Variants in MYOM1 observed in about 807,000 individuals in gnomAD.
The protein encoded by MYOM1 is myomesin-1.
A neutral mutation model predicts 205.3 loss-of-function variants in MYOM1; 164 were observed. The ratio of observed to expected loss-of-function variants is 0.80; its 90% CI spans 0.70 to 0.91. The LOEUF (loss-of-function observed/expected upper bound fraction) is 0.91. MYOM1 is among the 40% of genes least tolerant of loss of function. MYOM1 has a pLI of 0.00. For missense variants in MYOM1, 2,011 were observed against 2,127.3 expected, an observed-to-expected ratio of 0.95 and a Z score of 1.08; for synonymous variants, 772 against 789.4, an observed-to-expected ratio of 0.98 and a Z score of 0.37.
Position 3,189,182 on chromosome 18 carries a change from G to T in MYOM1, c.432-95C>A. On this transcript the variant is annotated intron_variant, in intron 3 of 37. Transcript: ENST00000356443. This position sits in a 1 kb window ranked among gnomAD's most constrained non-coding sequence, Gnocchi z 4.8. ...TTCAAAGTACCACATCTCAGACACT[G>T]TATCCTGCACCAAAAGAAAATCCGA... 2 of 1,178,912 alleles carry T rather than the reference G, an allele frequency of 1.7e-6. No homozygotes were observed. Among genetic ancestry groups the T allele is most frequent in the Non-Finnish European group, 2.4e-6 (2 of 845,482 alleles). 73.0% of individuals were successfully genotyped at this position (1,178,912 alleles called of 1,614,324 possible). A position where few individuals can be genotyped will look rare whatever the true frequency, so the allele number is the denominator to read the frequency against.
chr18:3,119,814 G>C, intron 20 of MYOM1, 55 bp downstream of exon 20: 1 of 1,556,572 alleles, frequency 6.4e-7, no homozygotes, highest in Non-Finnish European at 8.7e-7. Flanking sequence ...CAGGTTGTAG[G>C]TTCTCTTGGA....
the MYOM1 span, among the ~76,000 whole-genome samples, chr18:3,244,958 A>T: frequency 7.0e-6 from 1 of 141,952 alleles, no homozygotes; most frequent in Non-Finnish European, 1.5e-5. Flanking sequence ...TTTAAAAAGG[A>T]AAAAAAAAAA....
Position 3,175,947 on chromosome 18 carries a change from A to G in MYOM1, c.1022+95T>C. On this transcript the variant is annotated intron_variant, in intron 6 of 37. Coordinates refer to ENST00000356443, the MANE Select transcript of MYOM1 (RefSeq NM_003803.4). ...ATGTCCCTCAGTGTGATCACACAGC[A>G]TTGGGATGAAGTGGGGAGAGTGGCT... The G allele has an allele frequency of 3.9e-6, 3 of 761,776 alleles. No individual in the cohort carries two copies. In the Admixed American group the frequency reaches 6.1e-5, roughly 15 times the overall value. The allele number at this position is 761,776 out of a possible 1,614,324, so 47.2% of individuals were successfully genotyped here. A position where few individuals can be genotyped will look rare whatever the true frequency, so the allele number is the denominator to read the frequency against.
chr18:3,089,327 C>A, intron 28 of MYOM1, 86 bp from the exon 29 acceptor site: 1 of 1,050,790 alleles, frequency 9.5e-7, no homozygotes, highest in Non-Finnish European at 1.4e-6. Context: ...AGGTGATTTA[C>A]ATCTGAAGTC....
intron 1 of MYOM1, chr18:3,216,939 T>G (rs2081275254): frequency 2.0e-5 from 3 of 152,224 alleles, no homozygotes; most frequent in Admixed American, 2.0e-4. Context: ...GAAGTTGAGT[T>G]AAAATTAGGC....
At chr18:3,238,989 T>C in the MYOM1 span, among the ~76,000 whole-genome samples, 1 of 152,254 alleles carries the variant, frequency 6.6e-6, no homozygotes, top group Admixed American at 6.5e-5. Context: ...ATAATCTCTG[T>C]ATTTTAAGAT....
chr18:3,242,512 C>CT, the MYOM1 span, among the ~76,000 whole-genome samples: 3 of 152,056 alleles, frequency 2.0e-5, no homozygotes, highest in Non-Finnish European at 4.4e-5. Flanking sequence ...TCAGGTATGT[C>CT]TTTTTTTCTT....
Position 3,135,376 on chromosome 18 carries a change from A to G in MYOM1, c.2209+171T>C, listed in dbSNP as rs891961407. Reference sequence around the variant, plus strand: ...AAACTCCCAAAGAAGTTTACTTTTCATAAACAAAAATAATGAATTTTTGTT... The same window carrying G: ...AAACTCCCAAAGAAGTTTACTTTTCGTAAACAAAAATAATGAATTTTTGTT... On this transcript the variant is annotated intron_variant, in intron 15 of 37. Coordinates refer to ENST00000356443, the MANE Select transcript of MYOM1 (RefSeq NM_003803.4). This position sits in a 1 kb window ranked among gnomAD's most constrained non-coding sequence, Gnocchi z 4.1. 2 of 556,326 alleles carry G rather than the reference A, an allele frequency of 3.6e-6. No individual in the cohort carries two copies. Among genetic ancestry groups the G allele is most frequent in the African/African-American group, 3.8e-5 (2 of 52,994 alleles). 34.5% of individuals were successfully genotyped at this position (556,326 alleles called of 1,614,324 possible).
chr18:3,188,188 TA>T (rs1178271322), intron 4 of MYOM1, among the ~76,000 whole-genome samples: 1 of 152,206 alleles, frequency 6.6e-6, no homozygotes, highest in African/African-American at 2.4e-5. Context: ...CTAAAATCTT[TA>T]ATTTTCTTAA....
At chr18:3,131,323 T>C (rs945060166) in intron 17 of MYOM1, 52 bp downstream of exon 17, 4 of 1,601,936 alleles carry the variant, frequency 2.5e-6, no homozygotes, top group Non-Finnish European at 3.4e-6. Flanking sequence ...TCTTCCTTTC[T>C]AACATAGAAA....
the MYOM1 span, among the ~76,000 whole-genome samples, chr18:3,239,613 A>G: frequency 2.6e-5 from 4 of 151,888 alleles, no homozygotes; most frequent in African/African-American, 9.7e-5. Context: ...AAAATTAGCC[A>G]GGTGTAGTGG....
At chr18:3,141,832 T>C (rs2080053613) in intron 14 of MYOM1, 107 bp downstream of exon 14, 7 of 1,375,776 alleles carry the variant, frequency 5.1e-6, no homozygotes, top group South Asian at 1.2e-5. Flanking sequence ...GATCAGGACA[T>C]GCTCCCTCCT....
chr18:3,217,459 G>C (rs540035798), intron 1 of MYOM1, among the ~76,000 whole-genome samples: 180 of 152,316 alleles, frequency 1.2e-3, no homozygotes, highest in African/African-American at 4.2e-3. Flanking sequence ...AAGAACAGGA[G>C]ATTGGTTTCA....
At position 3,131,453 on chromosome 18, in the gene MYOM1, G is replaced by A. The variant is rs776727177; in HGVS notation, c.2428C>T (p.Arg810Trp). The A allele has an allele frequency of 3.2e-5, 52 of 1,613,558 alleles. No individual in the cohort carries two copies. The highest frequency in any genetic ancestry group is 6.7e-5 in the African/African-American group (5 of 74,996). The change falls in exon 17 of 38, where the codon CGG becomes TGG. Residue 810 changes from arginine to tryptophan, a missense_variant. Transcript: ENST00000356443. ...GLVTGQSYIF[R>W]VRAVNAAGLS... ...CCAGCTGCATTGACTGCTCTGACCC[G>A]GAAAATATAACTCTGACCAGTCACT... is the stretch of plus-strand genomic sequence containing the variant.
chr18:3,201,362 C>T (rs2144208324), intron 2 of MYOM1, among the ~76,000 whole-genome samples: 1 of 151,630 alleles, frequency 6.6e-6, no homozygotes, highest in Non-Finnish European at 1.5e-5. Flanking sequence ...TCGTGCCACA[C>T]TGCACTCCAG....
chr18:3,197,672 G>A lies in MYOM1; in HGVS notation c.291-3714C>T, dbSNP rs1042369149. 5.3e-5 allele frequency among the ~76,000 whole-genome samples: 8 copies of A among 151,868 alleles called. No homozygotes were observed. The East Asian group carries it at 1.2e-3, about 22-fold the overall frequency. Reference sequence around the variant, plus strand: ...GCGGATCACGAGGTCAGGAGATCGAGACCATCCTAGCTAACATGGTGAAAC... The same window carrying A: ...GCGGATCACGAGGTCAGGAGATCGAAACCATCCTAGCTAACATGGTGAAAC... On this transcript the variant is annotated intron_variant, in intron 2 of 37. Coordinates refer to ENST00000356443, the MANE Select transcript of MYOM1 (RefSeq NM_003803.4).
intron 2 of MYOM1, among the ~76,000 whole-genome samples, chr18:3,210,342 G>A (rs972453752): frequency 2.6e-5 from 4 of 152,322 alleles, no homozygotes; most frequent in Middle Eastern, 3.4e-3. Context: ...AACTCTAGTA[G>A]TTTCAAGAGG....
In MYOM1 at chr18:3,214,670, G is replaced by A. The variant is rs7232192; in HGVS notation, c.290+264C>T. On this transcript the variant is annotated intron_variant, in intron 2 of 37. Transcript: ENST00000356443. ...GAAACCCTGTCTCCACTAAAAACAC[G>A]ACATGAGCCGGGCGTGGTGGTGCAC... Among the ~76,000 whole-genome samples, 102,798 of 151,842 alleles carry A rather than the reference G, an allele frequency of 0.68. 35,225 individuals are homozygous for A. The highest frequency in any genetic ancestry group is 0.79 in the Middle Eastern group (233 of 294).
the MYOM1 span, among the ~76,000 whole-genome samples, chr18:3,243,127 A>G: frequency 3.9e-5 from 6 of 152,148 alleles, no homozygotes; most frequent in South Asian, 6.2e-4. Context: ...AGAATCTTCT[A>G]TATCTTTGTA....
Sources: allele counts gnomAD v4.1 joint callset (sites outside exome capture counted in the v4.1 genomes callset), GRCh38; gene constraint gnomAD v4.1.1; non-coding constraint Gnocchi (gnomAD v3.1); transcripts MANE v1.5; gene names NCBI Gene and HGNC (gene_info 2026-07-23, HGNC 2026-07-21).